The following TNFRSF11A variants were observed in gnomAD, a reference collection of about 807,000 sequenced individuals.
The protein encoded by TNFRSF11A is tumor necrosis factor receptor superfamily member 11A.
A neutral mutation model predicts 55.7 loss-of-function variants in TNFRSF11A; 32 were observed. The ratio of observed to expected loss-of-function variants is 0.57; its 90% confidence interval spans 0.43 to 0.77. TNFRSF11A has a LOEUF of 0.77. Ranked by LOEUF, TNFRSF11A falls within the 30% of genes least tolerant of loss-of-function variation. TNFRSF11A has a pLI of 0.00. For synonymous variants in TNFRSF11A, 311 were observed against 331.0 expected (o/e 0.94, Z 0.65); for missense variants, 753 against 809.8 (o/e 0.93, Z 0.85).
intron 9 of TNFRSF11A, chr18:62,373,043 A>G (rs1228315423): frequency 1.3e-5 from 2 of 152,222 alleles, no homozygotes; most frequent in Non-Finnish European, 2.9e-5. Context: ...CAGGCCTTCC[A>G]CAGTCTGCCC....
chr18:62,349,885 G>A lies in TNFRSF11A; in HGVS notation c.231G>A (p.Leu77=), dbSNP rs1410584244. The change falls in exon 3 of 10, where the codon TTG becomes TTA. Residue 77 remains leucine, a synonymous_variant. Coordinates refer to ENST00000586569, the MANE Select transcript of TNFRSF11A (RefSeq NM_003839.4). ...VCLPCGPDEY[L]DSWNEEDKCL... is the part of the protein sequence containing the mutation. ...TGCCCTGTGGCCCGGATGAATACTT[G>A]GATAGCTGGAATGAAGAAGATAAAT... 7 of 1,614,120 alleles carry A rather than the reference G, an allele frequency of 4.3e-6. No individual in the cohort carries two copies. Among genetic ancestry groups the A allele is most frequent in the Non-Finnish European group, 3.4e-6 (4 of 1,179,994 alleles).
intron 1 of TNFRSF11A, among the ~76,000 whole-genome samples, chr18:62,337,855 G>A (rs1391847650): frequency 6.6e-6 from 1 of 152,196 alleles, no homozygotes; most frequent in Admixed American, 6.5e-5. Flanking sequence ...CGCATAGTAT[G>A]TGTTCACTTA....
intron 1 of TNFRSF11A, among the ~76,000 whole-genome samples, chr18:62,341,598 G>A (rs1448012614): frequency 6.6e-6 from 1 of 152,048 alleles, no homozygotes; most frequent in Non-Finnish European, 1.5e-5. Context: ...TCCTCTATTG[G>A]ATACAGACCA....
chr18:62,344,648 A>G (rs923910343), intron 1 of TNFRSF11A, among the ~76,000 whole-genome samples: 8 of 152,242 alleles, frequency 5.3e-5, no homozygotes, highest in African/African-American at 1.9e-4. Flanking sequence ...AGTTCTAGGC[A>G]GGTGAAAGGG....
intron 1 of TNFRSF11A, among the ~76,000 whole-genome samples, chr18:62,334,961 A>T (rs542143571): frequency 6.8e-4 from 104 of 152,230 alleles, no homozygotes; most frequent in Non-Finnish European, 9.6e-4. Flanking sequence ...GGGGGCAGTT[A>T]AATTCAGTGA....
At chr18:62,357,067 C>G (rs547504420) in intron 4 of TNFRSF11A, among the ~76,000 whole-genome samples, 1 of 152,278 alleles carries the variant, frequency 6.6e-6, no homozygotes, top group Admixed American at 6.5e-5. Context: ...AATAAAGATT[C>G]AAGGCAAATC....
chr18:62,384,296 T>TCCTCCCCTCCTCCTTTC (rs1911503939), intron 9 of TNFRSF11A, among the ~76,000 whole-genome samples: 1 of 140,652 alleles, frequency 7.1e-6, no homozygotes, highest in Non-Finnish European at 1.5e-5. Context: ...CTCCTCCTTT[T>TCCTCCCCTCCTCCTTTC]CCTCCCCTCC....
chr18:62,360,151 C>G, intron 6 of TNFRSF11A, 102 bp downstream of exon 6: 2 of 819,342 alleles, frequency 2.4e-6, no homozygotes, highest in East Asian at 2.6e-5. Flanking sequence ...CGTCCTCTCC[C>G]CCTTTATTTC....
chr18:62,384,973 G>A lies in TNFRSF11A; in HGVS notation c.1790G>A (p.Gly597Glu). ...CCGGACCCGTGCGGCGGCCCCGAGGGGCTGCGGGAGCCGGAGAAGGCCTCG... is the reference window on the plus strand; with the variant it reads ...CCGGACCCGTGCGGCGGCCCCGAGGAGCTGCGGGAGCCGGAGAAGGCCTCG... ...RFPDPCGGPE[G>E]LREPEKASRP... The change falls in exon 10 of 10, where the codon GGG (glycine) becomes GAG (glutamate). Residue 597 changes from glycine (G) to glutamate (E), a missense_variant. Gly to Glu is a moderately conservative substitution (Grantham distance 98). This residue lies in a region of TNFRSF11A where 567 missense variants were observed against 596.7 expected (regional missense o/e 0.95). Coordinates refer to ENST00000586569, the MANE Select transcript of TNFRSF11A (RefSeq NM_003839.4). 1 of 1,474,092 alleles carries A rather than the reference G, an allele frequency of 6.8e-7. No individual in the cohort carries two copies. The highest frequency in any genetic ancestry group is 1.5e-5 in the African/African-American group (1 of 68,082). 91.3% of individuals were successfully genotyped at this position (1,474,092 alleles called of 1,614,324 possible). A position where few individuals can be genotyped will look rare whatever the true frequency, so the allele number is the denominator to read the frequency against.
At chr18:62,357,654 G>A (rs1909358997) in intron 4 of TNFRSF11A, among the ~76,000 whole-genome samples, 1 of 152,170 alleles carries the variant, frequency 6.6e-6, no homozygotes, top group African/African-American at 2.4e-5. Flanking sequence ...ACCAACCCTT[G>A]GTTGCAGGGA....
At chr18:62,373,882 A>T (rs1403336869) in intron 9 of TNFRSF11A, 1 of 152,226 alleles carries the variant, frequency 6.6e-6, no homozygotes, top group Non-Finnish European at 1.5e-5. Flanking sequence ...CTCTCTTGAA[A>T]TGACTGTTGT....
intron 3 of TNFRSF11A, among the ~76,000 whole-genome samples, chr18:62,351,185 T>C (rs1361877151): frequency 1.3e-5 from 2 of 152,048 alleles, no homozygotes; most frequent in African/African-American, 2.4e-5. Flanking sequence ...GTATTTTTAG[T>C]AGGGCTGAGG....
chr18:62,342,509 G>A (rs1036545375), intron 1 of TNFRSF11A, among the ~76,000 whole-genome samples: 3 of 150,768 alleles, frequency 2.0e-5, no homozygotes, highest in African/African-American at 4.9e-5. Flanking sequence ...TGGGCCTCAC[G>A]TGATTCCTGC....
In TNFRSF11A at chr18:62,332,993, G is replaced by C. The variant is rs1222763384; in HGVS notation, c.75+7566G>C. Among the ~76,000 whole-genome samples, 3 of 152,326 alleles carry C rather than the reference G, an allele frequency of 2.0e-5. No homozygotes were observed. The South Asian group carries it at 6.2e-4, about 32-fold the overall frequency. On this transcript the variant is annotated intron_variant, in intron 1 of 9. Transcript: ENST00000586569. ...GAGTTCCGAGTGGAGAATCGGGCAG[G>C]GGGTGTTTGATCTGGTCCTGGAAGG...
intron 5 of TNFRSF11A, 54 bp downstream of exon 5, chr18:62,358,395 C>A: frequency 6.6e-7 from 1 of 1,507,944 alleles, no homozygotes; most frequent in South Asian, 1.1e-5. Flanking sequence ...ACAACTCAAC[C>A]TCCACTGTCT....
Position 62,390,983 on chromosome 18 carries a change from T to C in TNFRSF11A, c.*5949T>C, listed in dbSNP as rs547264393. The C allele has an allele frequency of 6.6e-6, 1 of 152,316 alleles. No individual in the cohort carries two copies. The highest frequency in any genetic ancestry group is 2.4e-5 in the African/African-American group (1 of 41,572). The allele number at this position is 152,316 out of a possible 1,614,324, so 9.4% of individuals were successfully genotyped here. ...AATCAAGATATAGAATATTTCAACA[T>C]CCCAAAGTTCCCATTTCCCTTTTCA... On this transcript the variant is annotated 3_prime_UTR_variant, in exon 10 of 10. Transcript: ENST00000586569.
chr18:62,362,499 A>G (rs1909768666), intron 7 of TNFRSF11A, among the ~76,000 whole-genome samples: 1 of 150,646 alleles, frequency 6.6e-6, no homozygotes, highest in Admixed American at 6.6e-5. Flanking sequence ...TCAAAAAAAA[A>G]AAAAAAAAAA....
intron 6 of TNFRSF11A, among the ~76,000 whole-genome samples, chr18:62,360,754 A>G (rs936824882): frequency 1.3e-5 from 2 of 152,146 alleles, no homozygotes; most frequent in African/African-American, 4.8e-5. Context: ...GCCACATTAA[A>G]TTAATCTTAA....
chr18:62,368,739 A>C lies in TNFRSF11A; in HGVS notation c.822A>C (p.Ala274=). 1 of 1,614,234 alleles carries C rather than the reference A, an allele frequency of 6.2e-7. No homozygotes were observed. Among genetic ancestry groups the C allele is most frequent in the South Asian group, 1.1e-5 (1 of 91,084 alleles). ...ACAGTTGTGTCAGTACACACACGGCAAACTTTGGTCAGCAGGGAGCATGTG... is the reference window on the plus strand; with the variant it reads ...ACAGTTGTGTCAGTACACACACGGCCAACTTTGGTCAGCAGGGAGCATGTG... ...SGDSCVSTHT[A]NFGQQGACEG... The change falls in exon 9 of 10, where the codon GCA becomes GCC. Residue 274 remains alanine, a synonymous_variant. Transcript: ENST00000586569.
Sources: gnomAD v4.1 joint callset for allele counts (sites outside exome capture counted in the v4.1 genomes callset) on GRCh38, gnomAD v4.1.1 for gene constraint, gnomAD v4.1.1 regional missense constraint, MANE v1.5 for transcripts, NCBI Gene and HGNC (gene_info 2026-07-23, HGNC 2026-07-21) for gene names.